Variants in ERC1 observed in about 807,000 individuals in gnomAD.
ERC1 encodes RAB6 interacting protein 2.
ERC1 carries 56 observed loss-of-function variants against 132.0 expected under a neutral mutation model. That is an observed-to-expected ratio of 0.42 (90% confidence interval 0.34 to 0.53). ERC1 has a LOEUF of 0.53. Ranked by LOEUF, ERC1 falls within the 20% of genes least tolerant of loss-of-function variation. The pLI is 0.03. For missense variants in ERC1, 1,202 were observed against 1,349.9 expected (o/e 0.89, Z 1.72); for synonymous variants, 478 against 476.1 (o/e 1.00, Z -0.05).
At chr12:1,007,118 T>C (rs1963778152) in intron 1 of ERC1, among the ~76,000 whole-genome samples, 1 of 152,110 alleles carries the variant, frequency 6.6e-6, no homozygotes, top group Non-Finnish European at 1.5e-5. Context: ...AACAGGCAAT[T>C]ACAGTAGAGT....
intron 12 of ERC1, among the ~76,000 whole-genome samples, chr12:1,226,560 G>A (rs1382918210): frequency 1.3e-5 from 2 of 152,130 alleles, no homozygotes; most frequent in South Asian, 2.1e-4. Context: ...TATGCCCTTT[G>A]ACAAACATCT....
intron 13 of ERC1, chr12:1,257,316 T>C (rs1321761844): frequency 2.0e-5 from 3 of 152,250 alleles, no homozygotes; most frequent in Non-Finnish European, 4.4e-5. Flanking sequence ...CAGAACTGTT[T>C]AGCTAAGCTG....
rs965292696 is a variant in ERC1, at chr12:1,366,747, A to G, written c.2781-5086A>G. Among the ~76,000 whole-genome samples, 2 of 152,288 alleles carry G rather than the reference A, an allele frequency of 1.3e-5. 1 individual carries two copies. The highest frequency in any genetic ancestry group is 4.1e-4 in the South Asian group (2 of 4,824). On this transcript the variant is annotated intron_variant, in intron 15 of 18. Coordinates refer to ENST00000360905, the MANE Select transcript of ERC1 (RefSeq NM_178040.4). ...AGGGTGGGAGTGACGTGCACAGACA[A>G]AACAGTGGGTACATTAAAAACTAAA...
At chr12:1,203,561 T>C (rs1223499776) in intron 12 of ERC1, among the ~76,000 whole-genome samples, 3 of 152,224 alleles carry the variant, frequency 2.0e-5, no homozygotes, top group Admixed American at 1.3e-4. Flanking sequence ...TAGAAAACAT[T>C]AAAGTATAAA....
intron 7 of ERC1, among the ~76,000 whole-genome samples, chr12:1,125,758 T>G (rs1360982436): frequency 6.6e-6 from 1 of 152,208 alleles, no homozygotes; most frequent in African/African-American, 2.4e-5. Flanking sequence ...GAGGTTACAG[T>G]GAGCTGAGAT....
At chr12:1,305,475 G>A (rs1036079948) in intron 15 of ERC1, among the ~76,000 whole-genome samples, 152 of 151,992 alleles carry the variant, frequency 1.0e-3, no homozygotes, top group Non-Finnish European at 1.2e-4. Context: ...CCTCCCTAAG[G>A]CTTATAACCC....
intron 12 of ERC1, among the ~76,000 whole-genome samples, chr12:1,198,695 G>A (rs1369381392): frequency 6.6e-6 from 1 of 152,174 alleles, no homozygotes; most frequent in African/African-American, 2.4e-5. Flanking sequence ...ACAGGCTTCT[G>A]CTTCTGGAGT....
chr12:1,440,262 T>G lies in ERC1; in HGVS notation c.3025-4300T>G, dbSNP rs1391785616. Among the ~76,000 whole-genome samples the G allele has an allele frequency of 1.3e-4, 19 of 143,998 alleles. No individual in the cohort carries two copies. The East Asian group carries it at 1.8e-3, about 14-fold the overall frequency. The allele number at this position is 143,998 out of a possible 152,430, so 94.5% of individuals were successfully genotyped here. The stretch of plus-strand genomic sequence containing the variant: ...CTCTGTCGCCCAGGCTGGAGTGCAG[T>G]GGTGCCATCTCGGCTCACTGCAAGC... On this transcript the variant is annotated intron_variant, in intron 17 of 18. Transcript: ENST00000360905.
intron 18 of ERC1, among the ~76,000 whole-genome samples, chr12:1,484,109 T>G (rs1272933808): frequency 3.3e-5 from 5 of 150,966 alleles, no homozygotes; most frequent in Non-Finnish European, 5.9e-5. Context: ...ATCAAGACCT[T>G]CCTGGCTAAC....
chr12:1,177,663 A>G (rs562261179), intron 8 of ERC1, among the ~76,000 whole-genome samples: 1 of 152,332 alleles, frequency 6.6e-6, no homozygotes, highest in South Asian at 2.1e-4. Flanking sequence ...GAGATCACTG[A>G]TCACGGATCA....
chr12:1,170,493 G>C (rs1040896447), intron 8 of ERC1, among the ~76,000 whole-genome samples: 1 of 152,198 alleles, frequency 6.6e-6, no homozygotes, highest in South Asian at 2.1e-4. Flanking sequence ...GATGTGAATT[G>C]AGGGCCTCAG....
At chr12:1,128,756 AAAAC>A (rs1274960018) in intron 7 of ERC1, among the ~76,000 whole-genome samples, 1 of 152,232 alleles carries the variant, frequency 6.6e-6, no homozygotes, top group African/African-American at 2.4e-5. Context: ...CGCGAGGAAA[AAAAC>A]AAAGGTACTG....
At chr12:1,039,259 C>A (rs1360638990) in intron 2 of ERC1, among the ~76,000 whole-genome samples, 4 of 151,268 alleles carry the variant, frequency 2.6e-5, no homozygotes, top group African/African-American at 9.7e-5. Context: ...ATGGCGTGAA[C>A]CCGGGAGGCG....
At chr12:1,349,515 T>G (rs1639308490) in intron 15 of ERC1, among the ~76,000 whole-genome samples, 1 of 151,974 alleles carries the variant, frequency 6.6e-6, no homozygotes, top group African/African-American at 2.4e-5. Context: ...AATACAAAAA[T>G]TAGCCAGGCA....
chr12:1,041,092 T>C (rs562247397), intron 2 of ERC1, among the ~76,000 whole-genome samples: 2 of 152,272 alleles, frequency 1.3e-5, no homozygotes, highest in South Asian at 4.1e-4. Flanking sequence ...ATATTTGTCA[T>C]ATTAGATACT....
chr12:1,302,755 C>T (rs927913346), intron 15 of ERC1, among the ~76,000 whole-genome samples: 1 of 152,004 alleles, frequency 6.6e-6, no homozygotes, highest in Admixed American at 6.6e-5. Flanking sequence ...TGCTTGAGCC[C>T]AGGAGTTCAG....
intron 12 of ERC1, among the ~76,000 whole-genome samples, chr12:1,205,807 T>G (rs1048794317): frequency 2.0e-5 from 3 of 152,138 alleles, no homozygotes; most frequent in African/African-American, 7.2e-5. Context: ...TAGAGAACTT[T>G]CATCTCTAAC....
At chr12:1,230,207 C>T (rs945455319) in intron 12 of ERC1, among the ~76,000 whole-genome samples, 1 of 152,050 alleles carries the variant, frequency 6.6e-6, no homozygotes, top group African/African-American at 2.4e-5. Flanking sequence ...CCATGTTGGC[C>T]AGGCTAGTCT....
chr12:1,119,636 C>T (rs1385587532), intron 7 of ERC1, among the ~76,000 whole-genome samples: 1 of 151,344 alleles, frequency 6.6e-6, no homozygotes, highest in Non-Finnish European at 1.5e-5. Context: ...ACCACAACCT[C>T]GCCTCCTGGG....
Sources: gnomAD v4.1 joint callset for allele counts (sites outside exome capture counted in the v4.1 genomes callset) on GRCh38, gnomAD v4.1.1 for gene constraint, MANE v1.5 for transcripts, NCBI Gene and HGNC (gene_info 2026-07-23, HGNC 2026-07-21) for gene names.